MAGI3: variants seen among roughly 807,000 people sequenced by gnomAD.
MAGI3 encodes membrane-associated guanylate kinase, WW and PDZ domain-containing protein 3.
In MAGI3, 43 loss-of-function variants were observed where a neutral mutation model predicts 121.8. The ratio of observed to expected loss-of-function variants is 0.35; its 90% confidence interval spans 0.28 to 0.46. The LOEUF (loss-of-function observed/expected upper bound fraction) is 0.46, where lower values mean the gene tolerates loss of function less well. Among genes scored for constraint, MAGI3 ranks in the 20% least tolerant of loss-of-function variants. MAGI3 has a pLI of 1.00. For missense variants in MAGI3, 1,547 were observed against 1,797.3 expected, an observed-to-expected ratio of 0.86 and a Z score of 2.52; for synonymous variants, 553 against 639.3, an observed-to-expected ratio of 0.86 and a Z score of 2.04.
intron 11 of MAGI3, among the ~76,000 whole-genome samples, chr1:113,645,598 TA>T (rs1652789832): frequency 6.6e-6 from 1 of 152,152 alleles, no homozygotes. Context: ...AGACTACTGT[TA>T]GCTTCTCTGC....
At chr1:113,437,874 T>C (rs56071739) in intron 1 of MAGI3, among the ~76,000 whole-genome samples, 12,047 of 26,148 alleles carry the variant, frequency 0.46, 3,597 homozygotes, top group East Asian at 0.52. Flanking sequence ...CTCTTCTTCT[T>C]CTTCTCCTTC....
At chr1:113,597,007 A>G (rs540871615) in intron 6 of MAGI3, among the ~76,000 whole-genome samples, 6 of 152,326 alleles carry the variant, frequency 3.9e-5, no homozygotes, top group Admixed American at 6.5e-5. Context: ...AAGTCCTCAT[A>G]AAGACTTGCA....
intron 1 of MAGI3, among the ~76,000 whole-genome samples, chr1:113,418,772 A>C (rs1404072658): frequency 5.3e-5 from 8 of 152,174 alleles, no homozygotes; most frequent in Admixed American, 5.2e-4. Flanking sequence ...GCACTTATGT[A>C]TAGAAAATTA....
At chr1:113,407,158 G>C (rs1430226271) in intron 1 of MAGI3, among the ~76,000 whole-genome samples, 1 of 152,132 alleles carries the variant, frequency 6.6e-6, no homozygotes, top group Non-Finnish European at 1.5e-5. Context: ...TAAAGTTGGA[G>C]AATGATTGGT....
At chr1:113,595,330 A>G (rs1210342823) in intron 6 of MAGI3, among the ~76,000 whole-genome samples, 1 of 152,206 alleles carries the variant, frequency 6.6e-6, no homozygotes, top group Non-Finnish European at 1.5e-5. Flanking sequence ...ACAAATTGTT[A>G]AAAAGAGTAG....
chr1:113,675,007 G>A (rs1647788678), intron 19 of MAGI3, among the ~76,000 whole-genome samples: 1 of 152,184 alleles, frequency 6.6e-6, no homozygotes, highest in Non-Finnish European at 1.5e-5. Context: ...AACTTCAAAT[G>A]GTTGAGTTTA....
chr1:113,541,854 C>T (rs1317924550), intron 1 of MAGI3, among the ~76,000 whole-genome samples: 1 of 152,194 alleles, frequency 6.6e-6, no homozygotes, highest in Non-Finnish European at 1.5e-5. Context: ...ATTGTGTGGA[C>T]TCTTCCTCAC....
intron 14 of MAGI3, among the ~76,000 whole-genome samples, chr1:113,653,072 A>T (rs888239242): frequency 2.0e-5 from 3 of 152,232 alleles, no homozygotes; most frequent in African/African-American, 7.2e-5. Context: ...AACACATCAT[A>T]TAAGACAAAT....
In MAGI3 at chr1:113,506,530, G is replaced by A. The variant is rs556338513; in HGVS notation, c.317-42985G>A. 4.6e-5 allele frequency among the ~76,000 whole-genome samples: 7 copies of A among 151,986 alleles called. No homozygotes were observed. In the East Asian group the frequency reaches 9.7e-4, roughly 21 times the overall value. On this transcript the variant is annotated intron_variant, in intron 1 of 20. Coordinates refer to ENST00000307546, the MANE Select transcript of MAGI3 (RefSeq NM_001142782.2). The stretch of plus-strand genomic sequence containing the variant: ...TGTTGTAATGATAATGAAAGTTAAG[G>A]TAACAAAAACCACTTATTGTTTATC...
chr1:113,428,478 G>A (rs1171531155), intron 1 of MAGI3, among the ~76,000 whole-genome samples: 6 of 152,104 alleles, frequency 3.9e-5, no homozygotes, highest in Admixed American at 2.0e-4. Context: ...CTATACCAGT[G>A]GCAACTGGTC....
chr1:113,431,693 T>A (rs1379624305), intron 1 of MAGI3, among the ~76,000 whole-genome samples: 1 of 152,156 alleles, frequency 6.6e-6, no homozygotes, highest in Non-Finnish European at 1.5e-5. Context: ...GGTAATAAGA[T>A]TTTATTGAGT....
chr1:113,595,310 TAATA>T (rs887355843), intron 6 of MAGI3, among the ~76,000 whole-genome samples: 10 of 151,986 alleles, frequency 6.6e-5, no homozygotes, highest in African/African-American at 2.4e-4. Context: ...CTCTAAAAAC[TAATA>T]AATAAACAAA....
At chr1:113,517,697 A>ACACATATG (rs1657995818) in intron 1 of MAGI3, among the ~76,000 whole-genome samples, 1 of 151,960 alleles carries the variant, frequency 6.6e-6, no homozygotes, top group East Asian at 1.9e-4. Flanking sequence ...TACCAATTCA[A>ACACATATG]AATCTTTAGG....
rs557646739 is a variant in MAGI3 at position 113,486,619 on chromosome 1, T to C, written c.317-62896T>C. Among the ~76,000 whole-genome samples, 4 of 152,042 alleles carry C rather than the reference T, an allele frequency of 2.6e-5. No individual in the cohort carries two copies. In the South Asian group the frequency reaches 8.3e-4, roughly 32 times the overall value. On this transcript the variant is annotated intron_variant, in intron 1 of 20. Transcript: ENST00000307546. ...GTTTTCTTATAGTTTATATACTTTC[T>C]TGTGAAGACAAAAATAGGGGGTCTT...
At chr1:113,453,367 G>A (rs1033976136) in intron 1 of MAGI3, among the ~76,000 whole-genome samples, 14 of 151,978 alleles carry the variant, frequency 9.2e-5, no homozygotes, top group Non-Finnish European at 1.5e-4. Context: ...AATCCTACTC[G>A]ATTTTTATAT....
In MAGI3 at chr1:113,622,909, T is replaced by A; in HGVS notation, c.1275T>A (p.Ile425=). The change falls in exon 9 of 21, where the codon ATT becomes ATA. Residue 425 remains isoleucine, a synonymous_variant. Transcript: ENST00000307546. ...CAATGGGATTTGGTTTTACTATTAT[T>A]GGTGGAGATAGACCTGATGAGTTCC... The part of the protein sequence containing the change: ...KSTMGFGFTI[I]GGDRPDEFLQ... 6.2e-7 allele frequency: 1 copy of A among 1,600,336 alleles called. No homozygotes were observed. The highest frequency in any genetic ancestry group is 8.5e-7 in the Non-Finnish European group (1 of 1,175,046).
chr1:113,595,912 A>T (rs1217230), intron 6 of MAGI3, among the ~76,000 whole-genome samples: 111,995 of 151,902 alleles, frequency 0.74, 41,810 homozygotes, highest in African/African-American at 0.78. Flanking sequence ...GCGCCTGTAG[A>T]CCCAGCTACT....
intron 5 of MAGI3, among the ~76,000 whole-genome samples, chr1:113,592,514 T>G (rs567291294): frequency 3.9e-5 from 6 of 152,260 alleles, no homozygotes; most frequent in African/African-American, 1.2e-4. Flanking sequence ...TATTTTCGTG[T>G]TGTTGTTGTT....
chr1:113,667,670 C>G (rs1299942559), intron 16 of MAGI3, among the ~76,000 whole-genome samples: 1 of 152,232 alleles, frequency 6.6e-6, no homozygotes, highest in African/African-American at 2.4e-5. Context: ...CACAACTTGG[C>G]TAACTGGTAC....
Sources: gnomAD v4.1 joint callset for allele counts (sites outside exome capture counted in the v4.1 genomes callset) on GRCh38, gnomAD v4.1.1 for gene constraint, MANE v1.5 for transcripts, NCBI Gene and HGNC (gene_info 2026-07-23, HGNC 2026-07-21) for gene names.